The following RCHY1 variants were observed in gnomAD, a reference collection of about 807,000 sequenced individuals.
RCHY1 encodes RING finger and CHY zinc finger domain-containing protein 1.
RCHY1 carries 21 observed loss-of-function variants against 41.6 expected under a neutral mutation model. That is an observed-to-expected ratio of 0.51 (90% CI 0.36 to 0.73). RCHY1 has a LOEUF of 0.73. Among genes scored for constraint, RCHY1 ranks in the 30% least tolerant of loss-of-function variants. RCHY1 has a pLI of 0.00. For synonymous variants in RCHY1, 79 were observed against 102.9 expected, an observed-to-expected ratio of 0.77 and a Z score of 1.41; for missense variants, 265 against 325.3, an observed-to-expected ratio of 0.81 and a Z score of 1.43.
In RCHY1 at chr4:75,479,264, T is replaced by A. The variant is rs1197959780; in HGVS notation, c.*3274A>T. ...TATATATAATATACACAATTATCAA[T>A]TAAATTTTAATAACACAAAGGACAA... On this transcript the variant is annotated 3_prime_UTR_variant, in exon 9 of 9. Coordinates refer to ENST00000324439, the MANE Select transcript of RCHY1 (RefSeq NM_015436.4). 2 of 139,624 alleles carry A rather than the reference T, an allele frequency of 1.4e-5. No homozygotes were observed. The highest frequency in any genetic ancestry group is 5.7e-5 in the African/African-American group (2 of 35,168). The allele number at this position is 139,624 out of a possible 1,614,324, so 8.6% of individuals were successfully genotyped here. A position where few individuals can be genotyped will look rare whatever the true frequency, so the allele number is the denominator to read the frequency against.
intron 1 of RCHY1, among the ~76,000 whole-genome samples, chr4:75,512,279 C>T (rs1724965001): frequency 6.6e-6 from 1 of 152,204 alleles, no homozygotes; most frequent in South Asian, 2.1e-4. Flanking sequence ...TCTAACAACT[C>T]TTCCTCCTTA....
At position 75,489,445 on chromosome 4, in the gene RCHY1, G is replaced by C. The variant is rs528730675; in HGVS notation, c.657+1136C>G. ...TCCTAGAGAAATCTCCAGTGACACA[G>C]GTACTTATTTCACTGGATAAGTTGT... On this transcript the variant is annotated intron_variant, in intron 8 of 8. Coordinates refer to ENST00000324439, the MANE Select transcript of RCHY1 (RefSeq NM_015436.4). Among the ~76,000 whole-genome samples the C allele has an allele frequency of 7.2e-5, 11 of 152,232 alleles. No individual in the cohort carries two copies. The South Asian group carries it at 2.3e-3, about 32-fold the overall frequency.
At chr4:75,513,256 G>C (rs954799079) in intron 1 of RCHY1, among the ~76,000 whole-genome samples, 1 of 152,120 alleles carries the variant, frequency 6.6e-6, no homozygotes, top group South Asian at 2.1e-4. Context: ...GACCAGCAAG[G>C]CTGACTTGTG....
At chr4:75,490,455 T>C (rs954134533) in intron 8 of RCHY1, 126 bp downstream of exon 8, 4 of 598,122 alleles carry the variant, frequency 6.7e-6, no homozygotes, top group African/African-American at 5.8e-5. Context: ...TTTCCATTAA[T>C]CATCACATTA....
chr4:75,487,585 TATTCATAATATATATTC>T (rs1162386517), intron 8 of RCHY1, among the ~76,000 whole-genome samples: 8 of 100,296 alleles, frequency 8.0e-5, no homozygotes, highest in Admixed American at 2.6e-4. Flanking sequence ...TTCATATATA[TATTCATAATATATATTC>T]ATATATATTC....
chr4:75,496,983 T>C (rs1446960046), intron 3 of RCHY1, among the ~76,000 whole-genome samples: 4 of 152,052 alleles, frequency 2.6e-5, no homozygotes, highest in Non-Finnish European at 4.4e-5. Context: ...TAAAAAAGTA[T>C]TAAATATGAA....
chr4:75,498,252 T>C (rs1049814955), intron 3 of RCHY1, among the ~76,000 whole-genome samples: 2 of 151,516 alleles, frequency 1.3e-5, no homozygotes, highest in African/African-American at 4.8e-5. Context: ...CCTGGACACA[T>C]CCAACCTTCT....
chr4:75,509,138 A>G (rs775064533), intron 2 of RCHY1, 39 bp downstream of exon 2: 1 of 1,578,856 alleles, frequency 6.3e-7, no homozygotes. Context: ...ACCTTAATAC[A>G]GCTTTTAAAA....
chr4:75,487,630 AAT>A lies in RCHY1; in HGVS notation c.657+2949_657+2950del, dbSNP rs371802092. ...ATATATTCATAATATATATATTCAT[AAT>A]ATATATATTCATATATATTCATAAT... is the stretch of plus-strand genomic sequence containing the variant. On this transcript the variant is annotated intron_variant, in intron 8 of 8. Transcript: ENST00000324439. 2.3e-3 allele frequency among the ~76,000 whole-genome samples: 34 copies of A among 14,654 alleles called. 2 individuals carry two copies. Among genetic ancestry groups the A allele is most frequent in the African/African-American group, 7.6e-3 (23 of 3,030 alleles). The allele number at this position is 14,654 out of a possible 152,430, so 9.6% of individuals were successfully genotyped here.
intron 3 of RCHY1, among the ~76,000 whole-genome samples, chr4:75,500,450 G>A (rs906514718): frequency 1.3e-5 from 2 of 152,020 alleles, no homozygotes; most frequent in South Asian, 4.1e-4. Context: ...CGTATTTACC[G>A]AAAACTGAAA....
At position 75,490,491 on chromosome 4, in the gene RCHY1, A is replaced by G. The variant is rs911747954; in HGVS notation, c.657+90T>C. On this transcript the variant is annotated intron_variant, in intron 8 of 8. Transcript: ENST00000324439. ...GCATCTGTGTCAAACCAGTATATAT[A>G]TATTTTTTTTTTGGCAAATTCAAGC... is the stretch of plus-strand genomic sequence containing the variant. 6.4e-6 allele frequency: 6 copies of G among 940,386 alleles called. No homozygotes were observed. The East Asian group carries it at 7.6e-5, about 12-fold the overall frequency. 58.3% of individuals were successfully genotyped at this position (940,386 alleles called of 1,614,324 possible). A position where few individuals can be genotyped will look rare whatever the true frequency, so the allele number is the denominator to read the frequency against.
chr4:75,491,873 A>T lies in RCHY1; in HGVS notation c.450+16T>A. On this transcript the variant is annotated intron_variant, in intron 5 of 8. Transcript: ENST00000324439. Reference sequence around the variant, plus strand: ...AAGAGCTGAGACTTCCAAAGTAAAAAATATTTTAAGCCTACCTCCAAACAT... The same window carrying T: ...AAGAGCTGAGACTTCCAAAGTAAAATATATTTTAAGCCTACCTCCAAACAT... 2 of 1,608,982 alleles carry T rather than the reference A, an allele frequency of 1.2e-6. No homozygotes were observed. Among genetic ancestry groups the T allele is most frequent in the Non-Finnish European group, 1.7e-6 (2 of 1,177,768 alleles).
chr4:75,492,677 A>G (rs1722854220), intron 4 of RCHY1, among the ~76,000 whole-genome samples: 1 of 152,096 alleles, frequency 6.6e-6, no homozygotes, highest in Middle Eastern at 3.4e-3. Flanking sequence ...TATAGACAAT[A>G]AAAGATAACT....
In RCHY1 at chr4:75,514,263, A is replaced by G. The variant is rs769018604; in HGVS notation, c.24T>C (p.Asp8=). The G allele has an allele frequency of 2.5e-6, 4 of 1,612,594 alleles. No individual in the cohort carries two copies. The highest frequency in any genetic ancestry group is 1.7e-6 in the Non-Finnish European group (2 of 1,178,780). ...GACCTCGCTCTTGACCGCTGGCGCC[A>G]TCTTCCCGGGCCGTCGCCGCCATCT... is the stretch of plus-strand genomic sequence containing the variant. The part of the protein sequence containing the change: MAATARE[D]GASGQERGQR... The change falls in exon 1 of 9, where the codon GAT becomes GAC. Residue 8 remains aspartate (D), a synonymous_variant. Transcript: ENST00000324439.
Position 75,482,463 on chromosome 4 carries a change from CATG to C in RCHY1, c.*72_*74del. The C allele has an allele frequency of 7.2e-7, 1 of 1,385,608 alleles. No homozygotes were observed. Among genetic ancestry groups the C allele is most frequent in the Non-Finnish European group, 9.7e-7 (1 of 1,029,696 alleles). 85.8% of individuals were successfully genotyped at this position (1,385,608 alleles called of 1,614,324 possible). On this transcript the variant is annotated 3_prime_UTR_variant, in exon 9 of 9. Transcript: ENST00000324439. The stretch of plus-strand genomic sequence containing the variant: ...CAACTCTAATGCATAGATGACGACA[CATG>C]ATAACACGATACCAAGGAAAGCCTT...
intron 7 of RCHY1, 167 bp from the exon 8 acceptor site, chr4:75,490,868 T>A: frequency 3.9e-6 from 2 of 509,248 alleles, no homozygotes; most frequent in Non-Finnish European, 6.9e-6. Context: ...TATAAAACTT[T>A]TAAATTAATT....
chr4:75,511,738 G>A (rs1186309801), intron 1 of RCHY1, among the ~76,000 whole-genome samples: 1 of 151,294 alleles, frequency 6.6e-6, no homozygotes, highest in East Asian at 1.9e-4. Context: ...CAGTGCCACT[G>A]TCTTGATTCA....
At position 75,481,016 on chromosome 4, in the gene RCHY1, A is replaced by G. The variant is rs112359534; in HGVS notation, c.*1522T>C. On this transcript the variant is annotated 3_prime_UTR_variant, in exon 9 of 9. Coordinates refer to ENST00000324439, the MANE Select transcript of RCHY1 (RefSeq NM_015436.4). ...AAAAAAGTATTAGATCTGGAAAACT[A>G]GTCTTTACTTATCTGTATACTAATT... 5.7e-3 allele frequency: 871 copies of G among 152,376 alleles called. 3 individuals carry two copies. The highest frequency in any genetic ancestry group is 8.6e-3 in the Non-Finnish European group (588 of 68,054). 9.4% of individuals were successfully genotyped at this position (152,376 alleles called of 1,614,324 possible).
intron 3 of RCHY1, among the ~76,000 whole-genome samples, chr4:75,496,610 G>A (rs1262866056): frequency 1.3e-5 from 2 of 152,066 alleles, no homozygotes; most frequent in Admixed American, 6.6e-5. Context: ...CGCAGGCTCC[G>A]GGTGGAGTAT....
Sources: gnomAD v4.1 joint callset for allele counts (sites outside exome capture counted in the v4.1 genomes callset) on GRCh38, gnomAD v4.1.1 for gene constraint, MANE v1.5 for transcripts, NCBI Gene and HGNC (gene_info 2026-07-23, HGNC 2026-07-21) for gene names.